The following LIFR variants were observed in gnomAD, a reference collection of about 807,000 sequenced individuals.
LIFR encodes LIF receptor subunit alpha, also known as leukemia inhibitory factor receptor.
LIFR carries 84 observed loss-of-function variants against 122.2 expected under a neutral mutation model. The ratio of observed to expected loss-of-function variants is 0.69; its 90% CI spans 0.58 to 0.82. The LOEUF (loss-of-function observed/expected upper bound fraction) is 0.82, where lower values mean the gene tolerates loss of function less well. LIFR is among the 40% of genes least tolerant of loss of function. The pLI is 0.00. For synonymous variants in LIFR, 422 were observed against 434.7 expected (o/e 0.97, Z 0.36); for missense variants, 1,294 against 1,311.6 (o/e 0.99, Z 0.21).
chr5:38,484,886 C>A lies in LIFR; in HGVS notation c.2498-18G>T. 6.4e-7 allele frequency: 1 copy of A among 1,560,524 alleles called. No homozygotes were observed. Among genetic ancestry groups the A allele is most frequent in the Non-Finnish European group, 8.8e-7 (1 of 1,132,356 alleles). ...TCCCACAGCTGAAACGAGAGTATTG[C>A]AAATATTAAAATCGCCATTTTTAGT... On this transcript the variant is annotated intron_variant, in intron 17 of 19. Transcript: ENST00000453190.
intron 5 of LIFR, among the ~76,000 whole-genome samples, chr5:38,516,364 A>G (rs1357885781): frequency 6.6e-6 from 1 of 152,242 alleles, no homozygotes; most frequent in Non-Finnish European, 1.5e-5. Flanking sequence ...ACAAATTTAC[A>G]AGAAAAAAAT....
chr5:38,507,011 C>A (rs1745522323), intron 7 of LIFR, among the ~76,000 whole-genome samples: 1 of 152,180 alleles, frequency 6.6e-6, no homozygotes, highest in East Asian at 1.9e-4. Context: ...CATCTATCAT[C>A]AATATACTGT....
chr5:38,482,256 C>T (rs1214645417), intron 19 of LIFR, 38 bp from the exon 20 acceptor site: 2 of 1,581,338 alleles, frequency 1.3e-6, no homozygotes, highest in Non-Finnish European at 1.7e-6. Flanking sequence ...AAAAATAGCA[C>T]TAAATGCCAT....
At position 38,534,774 on chromosome 5, in the gene LIFR, T is replaced by C. The variant is rs1238912972; in HGVS notation, c.-19-4108A>G. 7.2e-5 allele frequency among the ~76,000 whole-genome samples: 11 copies of C among 152,232 alleles called. No individual in the cohort carries two copies. The East Asian group carries it at 1.2e-3, about 16-fold the overall frequency. On this transcript the variant is annotated intron_variant, in intron 1 of 19. Coordinates refer to ENST00000453190, the MANE Select transcript of LIFR (RefSeq NM_001127671.2). ...CGGTGTGAGTGTGGACAAACCCCCA[T>C]TGTAACACAGGGATGGTGACAGCAC...
chr5:38,489,002 G>A lies in LIFR; in HGVS notation c.2335+76C>T, dbSNP rs903790311. Reference sequence around the variant, plus strand: ...AAACCAGTACTAAACTACTGAGCAGGACTTTCCTTTTTTTTCTGTTGTGGT... The same window carrying A: ...AAACCAGTACTAAACTACTGAGCAGAACTTTCCTTTTTTTTCTGTTGTGGT... On this transcript the variant is annotated intron_variant, in intron 16 of 19. Transcript: ENST00000453190. The A allele has an allele frequency of 3.2e-6, 4 of 1,242,172 alleles. No individual in the cohort carries two copies. In the African/African-American group the frequency reaches 6.0e-5, roughly 19 times the overall value. 76.9% of individuals were successfully genotyped at this position (1,242,172 alleles called of 1,614,324 possible).
At chr5:38,519,592 CCT>C (rs1000952125) in intron 5 of LIFR, among the ~76,000 whole-genome samples, 1 of 152,152 alleles carries the variant, frequency 6.6e-6, no homozygotes, top group African/African-American at 2.4e-5. Context: ...CATTCACCAA[CCT>C]CTCTTCCTGC....
chr5:38,559,929 A>G (rs1748769147), upstream of LIFR, among the ~76,000 whole-genome samples: 1 of 152,238 alleles, frequency 6.6e-6, no homozygotes, highest in South Asian at 2.1e-4. Context: ...TTATATAATA[A>G]TGTTTAAATG....
intron 6 of LIFR, 35 bp from the exon 7 acceptor site, chr5:38,510,753 A>G (rs1473736616): frequency 1.3e-6 from 2 of 1,555,236 alleles, no homozygotes; most frequent in African/African-American, 2.7e-5. Flanking sequence ...AACATTTTAT[A>G]TAGAAGTATT....
At chr5:38,603,817 A>G (rs1024238293) in intron 2 of LIFR, among the ~76,000 whole-genome samples, 1 of 152,156 alleles carries the variant, frequency 6.6e-6, no homozygotes, top group Non-Finnish European at 1.5e-5. Context: ...AGTCTTCAGG[A>G]TGTTTTCTTC....
At position 38,499,502 on chromosome 5, in the gene LIFR, T is replaced by G. The variant is rs780237398; in HGVS notation, c.1671+11A>C. 31 of 1,533,494 alleles carry G rather than the reference T, an allele frequency of 2.0e-5. No homozygotes were observed. Among genetic ancestry groups the G allele is most frequent in the Non-Finnish European group, 2.6e-5 (29 of 1,106,654 alleles). 95.0% of individuals were successfully genotyped at this position (1,533,494 alleles called of 1,614,324 possible). ...GTAATGTAAATGTTCACAGAAAAATTAGATATTTACCTTCCAATAGATTAT... is the reference window on the plus strand; with the variant it reads ...GTAATGTAAATGTTCACAGAAAAATGAGATATTTACCTTCCAATAGATTAT... On this transcript the variant is annotated intron_variant, in intron 12 of 19. Transcript: ENST00000453190.
chr5:38,560,149 G>T (rs1161752087), upstream of LIFR, among the ~76,000 whole-genome samples: 1 of 151,170 alleles, frequency 6.6e-6, no homozygotes, highest in Non-Finnish European at 1.5e-5. Context: ...ATATGGCTGT[G>T]TTCCTGGAAT....
chr5:38,535,931 T>C (rs1476924306), intron 1 of LIFR, among the ~76,000 whole-genome samples: 1 of 152,146 alleles, frequency 6.6e-6, no homozygotes, highest in Admixed American at 6.5e-5. Context: ...TATCACAGAA[T>C]ATCTAAGTTT....
intron 7 of LIFR, 54 bp downstream of exon 7, chr5:38,510,410 A>G (rs1745732960): frequency 6.4e-7 from 1 of 1,572,712 alleles, no homozygotes; most frequent in African/African-American, 1.3e-5. Flanking sequence ...TAAGGCTTTC[A>G]AGGAAGACCA....
chr5:38,491,126 C>T (rs1349864155), intron 14 of LIFR, among the ~76,000 whole-genome samples: 3 of 152,140 alleles, frequency 2.0e-5, no homozygotes, highest in Admixed American at 6.5e-5. Flanking sequence ...TATAACATCA[C>T]CATTAAGTGT....
chr5:38,582,874 A>G (rs541293472), intron 1 of LIFR, among the ~76,000 whole-genome samples: 2 of 152,340 alleles, frequency 1.3e-5, no homozygotes, highest in East Asian at 3.9e-4. Context: ...TCAATCAAGA[A>G]GCTATTCATC....
At chr5:38,485,646 TA>T (rs1465457415) in intron 17 of LIFR, 172 bp downstream of exon 17, 5 of 659,616 alleles carry the variant, frequency 7.6e-6, no homozygotes, top group Non-Finnish European at 1.3e-5. Flanking sequence ...CTGACAAGAA[TA>T]AACATGAAGT....
intron 7 of LIFR, among the ~76,000 whole-genome samples, chr5:38,510,155 A>C (rs1448931431): frequency 1.3e-5 from 2 of 152,238 alleles, no homozygotes; most frequent in African/African-American, 4.8e-5. Context: ...GGGTTAAGAA[A>C]TATTATATCC....
At position 38,499,596 on chromosome 5, in the gene LIFR, T is replaced by C; in HGVS notation, c.1601-13A>G. On this transcript the variant is annotated splice_polypyrimidine_tract_variant and intron_variant, in intron 11 of 19. Transcript: ENST00000453190. ...CCCTTTGAAGGACCTAAAAAGGAGA[T>C]TTTAAAGTTAATATCTGAAGACACA... The C allele has an allele frequency of 6.3e-7, 1 of 1,580,144 alleles. No homozygotes were observed. Among genetic ancestry groups the C allele is most frequent in the South Asian group, 1.1e-5 (1 of 90,398 alleles).
intron 1 of LIFR, among the ~76,000 whole-genome samples, chr5:38,578,300 G>A (rs569392457): frequency 2.1e-5 from 3 of 141,244 alleles, no homozygotes; most frequent in Non-Finnish European, 4.5e-5. Flanking sequence ...TCTGCCTCCC[G>A]GTTTCAAGTG....
Sources: allele counts gnomAD v4.1 joint callset (sites outside exome capture counted in the v4.1 genomes callset), GRCh38; gene constraint gnomAD v4.1.1; transcripts MANE v1.5; gene names NCBI Gene and HGNC (gene_info 2026-07-23, HGNC 2026-07-21).